The following ITPR1 variants were observed in gnomAD, a reference collection of about 807,000 sequenced individuals.
ITPR1 encodes inositol 1,4,5-trisphosphate-gated calcium channel ITPR1.
Under a neutral mutation model 318.4 loss-of-function variants are expected in ITPR1, and 96 were observed. The ratio of observed to expected loss-of-function variants is 0.30; its 90% CI spans 0.26 to 0.36. The LOEUF is 0.36. Among genes scored for constraint, ITPR1 ranks in the 10% least tolerant of loss-of-function variants. ITPR1 has a pLI of 1.00. For synonymous variants in ITPR1, 1,312 were observed against 1,289.9 expected (o/e 1.02, Z -0.37); for missense variants, 2,440 against 3,460.2 (o/e 0.71, Z 7.40).
intron 4 of ITPR1, among the ~76,000 whole-genome samples, chr3:4,532,653 G>T (rs986370109): frequency 6.6e-6 from 1 of 151,878 alleles, no homozygotes; most frequent in African/African-American, 2.4e-5. Flanking sequence ...TTACAGGCAT[G>T]AGCCACGGCA....
At chr3:4,711,507 C>G in intron 38 of ITPR1, 1 of 392,432 alleles carries the variant, frequency 2.5e-6, no homozygotes, top group Non-Finnish European at 4.7e-6. Context: ...TCCATATAAT[C>G]TCTCCATTGT....
chr3:4,576,967 G>A (rs567625664), intron 4 of ITPR1, among the ~76,000 whole-genome samples: 4 of 152,288 alleles, frequency 2.6e-5, no homozygotes, highest in African/African-American at 9.6e-5. Flanking sequence ...ACCCAGTCCT[G>A]GGCTAGACCC....
intron 35 of ITPR1, 95 bp downstream of exon 35, chr3:4,700,036 G>T: frequency 9.3e-7 from 1 of 1,078,134 alleles, no homozygotes; most frequent in Non-Finnish European, 1.4e-6. Context: ...TAAATGAACT[G>T]GTCTGCAAGG....
chr3:4,663,083 A>G lies in ITPR1; in HGVS notation c.1431A>G (p.Leu477=), dbSNP rs773337335. The G allele has an allele frequency of 8.1e-6, 13 of 1,613,622 alleles. No homozygotes were observed. Among genetic ancestry groups the G allele is most frequent in the Middle Eastern group, 1.6e-4 (1 of 6,084 alleles). The change falls in exon 16 of 62, where the codon CTA becomes CTG. Residue 477 remains leucine, a synonymous_variant. Coordinates refer to ENST00000649015, the MANE Select transcript of ITPR1 (RefSeq NM_001378452.1). ...TCCTAAGGTCTGTAACCAAGCTGCTAGAAGATTTGGTTTACTTCGTCACTG... is the reference window on the plus strand; with the variant it reads ...TCCTAAGGTCTGTAACCAAGCTGCTGGAAGATTTGGTTTACTTCGTCACTG... ...QNERRSVTKL[L]EDLVYFVTGG...
chr3:4,666,567 A>G (rs561237852), intron 17 of ITPR1, among the ~76,000 whole-genome samples: 2 of 152,194 alleles, frequency 1.3e-5, no homozygotes, highest in Non-Finnish European at 2.9e-5. Flanking sequence ...ATAAGTTCCT[A>G]CACAATGCCT....
At chr3:4,830,957 T>G in intron 60 of ITPR1, 2 of 456,668 alleles carry the variant, frequency 4.4e-6, no homozygotes, top group South Asian at 3.1e-5. Context: ...CTGAGCAGAC[T>G]TTCTCTGAGG....
At chr3:4,579,562 A>G (rs1306302770) in intron 4 of ITPR1, among the ~76,000 whole-genome samples, 1 of 152,224 alleles carries the variant, frequency 6.6e-6, no homozygotes, top group Non-Finnish European at 1.5e-5. Context: ...TAGAGAAAGG[A>G]AATATTGGTT....
At chr3:4,559,285 C>T (rs1023952310) in intron 4 of ITPR1, among the ~76,000 whole-genome samples, 1 of 151,892 alleles carries the variant, frequency 6.6e-6, no homozygotes, top group East Asian at 1.9e-4. Flanking sequence ...GTCCTCTTTT[C>T]CTTTTTATCA....
intron 4 of ITPR1, among the ~76,000 whole-genome samples, chr3:4,615,826 T>C (rs1314639387): frequency 6.6e-6 from 1 of 152,020 alleles, no homozygotes; most frequent in Non-Finnish European, 1.5e-5. Context: ...AATGTGTTGG[T>C]GAGTGGTGGA....
At chr3:4,595,542 C>G (rs778267006) in intron 4 of ITPR1, among the ~76,000 whole-genome samples, 2 of 152,180 alleles carry the variant, frequency 1.3e-5, no homozygotes, top group African/African-American at 2.4e-5. Flanking sequence ...CAGATCCAAA[C>G]TATATCAAAA....
At chr3:4,580,054 CA>C (rs1240215131) in intron 4 of ITPR1, among the ~76,000 whole-genome samples, 1 of 151,914 alleles carries the variant, frequency 6.6e-6, no homozygotes, top group Non-Finnish European at 1.5e-5. Context: ...ACTAAAAATA[CA>C]AAAAATTAGC....
intron 40 of ITPR1, among the ~76,000 whole-genome samples, chr3:4,722,399 G>A (rs2042226881): frequency 6.6e-6 from 1 of 152,112 alleles, no homozygotes. Context: ...CAGAACATGG[G>A]AATTTCAGAG....
chr3:4,617,366 C>G (rs1220879407), intron 4 of ITPR1, among the ~76,000 whole-genome samples: 3 of 152,058 alleles, frequency 2.0e-5, no homozygotes, highest in African/African-American at 7.3e-5. Context: ...TCTCTGCTCT[C>G]AAGATGGTAT....
chr3:4,637,820 T>A (rs1559587932), intron 5 of ITPR1, among the ~76,000 whole-genome samples: 1 of 152,240 alleles, frequency 6.6e-6, no homozygotes, highest in Non-Finnish European at 1.5e-5. Context: ...ATGGAACAGA[T>A]GCTGACTTTG....
chr3:4,657,556 C>T (rs1011662377), intron 12 of ITPR1, among the ~76,000 whole-genome samples: 10 of 151,818 alleles, frequency 6.6e-5, no homozygotes, highest in East Asian at 1.9e-4. Context: ...CAACTTCTGC[C>T]GCCCAGGTTC....
chr3:4,678,311 AT>A (rs1239512436), intron 24 of ITPR1, among the ~76,000 whole-genome samples: 2 of 151,742 alleles, frequency 1.3e-5, no homozygotes, highest in Non-Finnish European at 2.9e-5. Context: ...TTTATTTTCA[AT>A]TTTTTTTGTC....
At chr3:4,593,556 A>T (rs1218049446) in intron 4 of ITPR1, among the ~76,000 whole-genome samples, 7 of 152,232 alleles carry the variant, frequency 4.6e-5, no homozygotes, top group Non-Finnish European at 1.0e-4. Flanking sequence ...GAAGCCTCAA[A>T]TTTGATTCAG....
At chr3:4,501,490 T>TCA (rs1487337884) in intron 2 of ITPR1, among the ~76,000 whole-genome samples, 1 of 152,244 alleles carries the variant, frequency 6.6e-6, no homozygotes, top group African/African-American at 2.4e-5. Context: ...CTCAAGTGAT[T>TCA]CACACACACG....
In ITPR1 at chr3:4,779,831, C is replaced by A. The variant is rs182907412; in HGVS notation, c.6387+186C>A. Among the ~76,000 whole-genome samples, 31 of 148,172 alleles carry A rather than the reference C, an allele frequency of 2.1e-4. No homozygotes were observed. Among genetic ancestry groups the A allele is most frequent in the African/African-American group, 7.2e-4 (29 of 40,536 alleles). The stretch of plus-strand genomic sequence containing the variant: ...ATATTTTGGTTGGTGCAAAAGTAAT[C>A]GCGGTTTTTGCTATTACTTTCAATG... On this transcript the variant is annotated intron_variant, in intron 49 of 61. Transcript: ENST00000649015. This position sits in a 1 kb window ranked among gnomAD's most constrained non-coding sequence, Gnocchi z 4.0.
Sources: allele counts gnomAD v4.1 joint callset (sites outside exome capture counted in the v4.1 genomes callset), GRCh38; gene constraint gnomAD v4.1.1; non-coding constraint Gnocchi (gnomAD v3.1); transcripts MANE v1.5; gene names NCBI Gene and HGNC (gene_info 2026-07-23, HGNC 2026-07-21).